GRAMD1C: variants seen among roughly 807,000 people sequenced by gnomAD.
GRAMD1C encodes the protein GRAM domain containing 1C, also known as protein Aster-C.
A neutral mutation model predicts 97.8 loss-of-function variants in GRAMD1C; 89 were observed. That is an observed-to-expected ratio of 0.91 (90% CI 0.77 to 1.09). The LOEUF is 1.09. Ranked by LOEUF, GRAMD1C falls within the 50% of genes least tolerant of loss-of-function variation. The pLI is 0.00. For synonymous variants in GRAMD1C, 256 were observed against 267.0 expected (o/e 0.96, Z 0.40); for missense variants, 740 against 766.4 (o/e 0.97, Z 0.41).
chr3:113,885,460 T>G, intron 6 of GRAMD1C: 1 of 1,587,648 alleles, frequency 6.3e-7, no homozygotes, highest in Non-Finnish European at 8.6e-7. Context: ...GTCCCGGAAT[T>G]GGCTAGCCCA....
At chr3:113,931,109 A>G (rs140075087) in intron 11 of GRAMD1C, among the ~76,000 whole-genome samples, 30 of 152,356 alleles carry the variant, frequency 2.0e-4, no homozygotes, top group African/African-American at 7.2e-4. Context: ...TATTAAAGAA[A>G]ATAATATTTA....
At chr3:113,895,242 G>T (rs1577176742) in intron 6 of GRAMD1C, among the ~76,000 whole-genome samples, 1 of 152,194 alleles carries the variant, frequency 6.6e-6, no homozygotes, top group East Asian at 1.9e-4. Context: ...GACTTCCAAG[G>T]TATTCAGGTG....
At chr3:113,841,873 T>G (rs1175724754) in intron 1 of GRAMD1C, among the ~76,000 whole-genome samples, 2 of 151,932 alleles carry the variant, frequency 1.3e-5, no homozygotes, top group Non-Finnish European at 2.9e-5. Flanking sequence ...AATCTTTAAA[T>G]TTTTGTAGAG....
chr3:113,922,674 G>A (rs993143675), intron 10 of GRAMD1C, among the ~76,000 whole-genome samples: 3 of 151,952 alleles, frequency 2.0e-5, no homozygotes, highest in East Asian at 1.9e-4. Context: ...TTTTGGTTAC[G>A]GTTGTCTTAT....
At chr3:113,851,933 A>T (rs1291369335) in intron 2 of GRAMD1C, among the ~76,000 whole-genome samples, 1 of 151,800 alleles carries the variant, frequency 6.6e-6, no homozygotes, top group African/African-American at 2.4e-5. Context: ...CAGTGGCATG[A>T]TCTCGGCTCA....
chr3:113,925,851 A>G (rs533282491), intron 10 of GRAMD1C, among the ~76,000 whole-genome samples: 1 of 152,324 alleles, frequency 6.6e-6, no homozygotes, highest in Admixed American at 6.5e-5. Flanking sequence ...GCTGGATATG[A>G]AATTCTTGGT....
chr3:113,876,511 A>G (rs1325490793), intron 5 of GRAMD1C, among the ~76,000 whole-genome samples: 2 of 152,176 alleles, frequency 1.3e-5, no homozygotes, highest in African/African-American at 4.8e-5. Flanking sequence ...TAACATTAGC[A>G]CAATGTCCTT....
At chr3:113,900,858 T>C (rs761746406) in intron 6 of GRAMD1C, among the ~76,000 whole-genome samples, 173 bp from the exon 7 acceptor site, 1 of 152,194 alleles carries the variant, frequency 6.6e-6, no homozygotes, top group Non-Finnish European at 1.5e-5. Context: ...TTTTATTAAC[T>C]CATTTTTATA....
At chr3:113,869,793 T>C (rs143389108) in intron 3 of GRAMD1C, among the ~76,000 whole-genome samples, 2 of 152,334 alleles carry the variant, frequency 1.3e-5, no homozygotes, top group East Asian at 3.9e-4. Context: ...AAGAGATATC[T>C]GCACATTCAT....
chr3:113,894,611 G>A (rs557103664), intron 6 of GRAMD1C, among the ~76,000 whole-genome samples: 1 of 152,240 alleles, frequency 6.6e-6, no homozygotes, highest in South Asian at 2.1e-4. Context: ...GGTAATAGTG[G>A]TCTCTCTTGC....
chr3:113,851,437 G>C (rs1383642238), intron 2 of GRAMD1C, among the ~76,000 whole-genome samples: 1 of 151,588 alleles, frequency 6.6e-6, no homozygotes, highest in Admixed American at 6.6e-5. Flanking sequence ...CTACATATAT[G>C]CAAATAATAA....
At chr3:113,905,976 T>G (rs1936357850) in intron 8 of GRAMD1C, among the ~76,000 whole-genome samples, 1 of 152,116 alleles carries the variant, frequency 6.6e-6, no homozygotes, top group Non-Finnish European at 1.5e-5. Context: ...GGATTACAAG[T>G]GTCAGCCACT....
rs751032736 is a variant in GRAMD1C, at chr3:113,939,919, G to A, written c.1725G>A (p.Leu575=). 6 of 1,608,024 alleles carry A rather than the reference G, an allele frequency of 3.7e-6. No individual in the cohort carries two copies. Among genetic ancestry groups the A allele is most frequent in the Non-Finnish European group, 5.1e-6 (6 of 1,174,454 alleles). ...VLLLVLLNVT[L]FLKLSKIEHA... ...TATTAGTTTTGTTGAATGTGACACT[G>A]TTTCTGAAGCTGTCAAAGATAGAAC... is the stretch of plus-strand genomic sequence containing the variant. Residue 575 remains leucine (L), a synonymous_variant, in exon 16 of 18, where the codon CTG becomes CTA. Coordinates refer to ENST00000358160, the MANE Select transcript of GRAMD1C (RefSeq NM_017577.5).
At chr3:113,833,486 C>A (rs1016450341) in intron 1 of GRAMD1C, among the ~76,000 whole-genome samples, 20 of 152,026 alleles carry the variant, frequency 1.3e-4, no homozygotes, top group African/African-American at 7.2e-5. Flanking sequence ...AACATTCCCC[C>A]ACCAACACCT....
intron 8 of GRAMD1C, among the ~76,000 whole-genome samples, chr3:113,906,191 T>C (rs951439143): frequency 3.3e-5 from 5 of 152,128 alleles, no homozygotes; most frequent in African/African-American, 1.2e-4. Context: ...AATAAATCAT[T>C]ATTTTAGAGT....
intron 9 of GRAMD1C, 67 bp from the exon 10 acceptor site, chr3:113,915,634 C>T (rs970036575): frequency 2.3e-6 from 3 of 1,292,638 alleles, no homozygotes; most frequent in African/African-American, 3.0e-5. Context: ...CCCACGAAAC[C>T]CCCTAAAGCC....
At chr3:113,849,010 T>C (rs1207697589) in intron 2 of GRAMD1C, among the ~76,000 whole-genome samples, 2 of 151,370 alleles carry the variant, frequency 1.3e-5, no homozygotes, top group Non-Finnish European at 2.9e-5. Flanking sequence ...CAAAAAACTC[T>C]TAAAACAAAA....
At chr3:113,833,674 T>C (rs1272886674) in intron 1 of GRAMD1C, among the ~76,000 whole-genome samples, 2 of 152,176 alleles carry the variant, frequency 1.3e-5, no homozygotes, top group African/African-American at 2.4e-5. Flanking sequence ...TGGGCTATTG[T>C]AGAGTAGGGG....
rs908920296 is a variant in GRAMD1C, at chr3:113,946,858, C to T, written c.*1380C>T. 6.6e-6 allele frequency: 1 copy of T among 152,112 alleles called. No individual in the cohort carries two copies. The highest frequency in any genetic ancestry group is 1.5e-5 in the Non-Finnish European group (1 of 68,034). The allele number at this position is 152,112 out of a possible 1,614,324, so 9.4% of individuals were successfully genotyped here. A position where few individuals can be genotyped will look rare whatever the true frequency, so the allele number is the denominator to read the frequency against. On this transcript the variant is annotated 3_prime_UTR_variant, in exon 18 of 18. Transcript: ENST00000358160. The stretch of plus-strand genomic sequence containing the variant: ...ATGGGTTTCTCTGGGTGAATTCCAA[C>T]GAAGCATACCTAGGGGTAACAGTGA...
Sources: allele counts gnomAD v4.1 joint callset (sites outside exome capture counted in the v4.1 genomes callset), GRCh38; gene constraint gnomAD v4.1.1; transcripts MANE v1.5; gene names NCBI Gene and HGNC (gene_info 2026-07-23, HGNC 2026-07-21).